Variants in DNAAF9 observed in about 807,000 individuals in gnomAD.
The protein encoded by DNAAF9 is dynein axonemal assembly factor 9.
DNAAF9 carries 90 observed loss-of-function variants against 167.0 expected under a neutral mutation model. The ratio of observed to expected loss-of-function variants is 0.54; its 90% CI spans 0.45 to 0.64. The LOEUF is 0.64. DNAAF9 is among the 30% of genes least tolerant of loss of function. DNAAF9 has a pLI of 0.00. For synonymous variants in DNAAF9, 491 were observed against 508.8 expected, an observed-to-expected ratio of 0.96 and a Z score of 0.47; for missense variants, 1,315 against 1,442.2, an observed-to-expected ratio of 0.91 and a Z score of 1.43.
intron 1 of DNAAF9, among the ~76,000 whole-genome samples, chr20:3,387,913 A>AAAAAAAAAAAAAAAAC: frequency 6.9e-6 from 1 of 145,212 alleles, no homozygotes; most frequent in African/African-American, 2.6e-5. Flanking sequence ...AAAAAAAAAA[A>AAAAAAAAAAAAAAAAC]AAATTAGCCG....
At chr20:3,340,459 CTTGATAATAAAA>C in intron 10 of DNAAF9, 33 bp downstream of exon 10, 1 of 1,152,778 alleles carries the variant, frequency 8.7e-7, no homozygotes. Flanking sequence ...ACCCCCACAA[CTTGATAATAAAA>C]CTAATCAAGC....
At chr20:3,320,657 TGA>T (rs2069598275) in intron 16 of DNAAF9, among the ~76,000 whole-genome samples, 1 of 152,192 alleles carries the variant, frequency 6.6e-6, no homozygotes, top group Admixed American at 6.5e-5. Flanking sequence ...CACAAAATGT[TGA>T]CAGATGGGGA....
chr20:3,381,342 C>T (rs2123243396), intron 3 of DNAAF9, 37 bp downstream of exon 3: 1 of 1,525,736 alleles, frequency 6.6e-7, no homozygotes, highest in Non-Finnish European at 8.9e-7. Context: ...AAACCTCTTA[C>T]TCTTCTATCA....
In DNAAF9 at chr20:3,322,694, G is replaced by A. The variant is rs2069638686; in HGVS notation, c.1268C>T (p.Ser423Phe). ...ELIPFKAALR[S>F]KMTFHIHAVN... ...AGCATGTATATGAAAAGTCATCTTG[G>A]AGCTGTAGACCAGAAACAAAACAAA... The change falls in exon 15 of 37, where the codon TCC (serine) becomes TTC (phenylalanine). Residue 423 changes from serine to phenylalanine, a missense_variant and splice_region_variant. By Grantham distance (155) the Ser-to-Phe change is radical. Transcript: ENST00000252032. 1 of 1,612,124 alleles carries A rather than the reference G, an allele frequency of 6.2e-7. No individual in the cohort carries two copies.
chr20:3,332,603 G>A (rs886373537), intron 10 of DNAAF9, among the ~76,000 whole-genome samples: 2 of 151,550 alleles, frequency 1.3e-5, no homozygotes, highest in African/African-American at 4.9e-5. Context: ...ACAGGCACAT[G>A]CCATCACACC....
intron 25 of DNAAF9, among the ~76,000 whole-genome samples, chr20:3,291,337 GT>G (rs1221157879): frequency 6.7e-6 from 1 of 148,656 alleles, no homozygotes; most frequent in Admixed American, 6.7e-5. Flanking sequence ...GCCTCTGTAA[GT>G]TTTTTTGTTT....
At chr20:3,296,369 G>GTGGGGACATTTTTCGTT (rs2069078835) in intron 23 of DNAAF9, 1 of 319,818 alleles carries the variant, frequency 3.1e-6, no homozygotes, top group African/African-American at 2.2e-5. Context: ...GCTCCTGGCA[G>GTGGGGACATTTTTCGTT]TGGGGACATT....
intron 25 of DNAAF9, among the ~76,000 whole-genome samples, chr20:3,290,787 CTTTTTTTT>C (rs548143543): frequency 7.4e-6 from 1 of 135,322 alleles, no homozygotes; most frequent in African/African-American, 2.8e-5. Context: ...AGGGCTAAGT[CTTTTTTTT>C]TTTTTTTTTT....
At chr20:3,268,942 C>G (rs1361965720) in intron 30 of DNAAF9, among the ~76,000 whole-genome samples, 1 of 118,440 alleles carries the variant, frequency 8.4e-6, no homozygotes, top group Non-Finnish European at 1.7e-5. Context: ...CTCTGTTGCC[C>G]AGGCTGGCTG....
At chr20:3,349,125 G>A (rs2070255830) in intron 7 of DNAAF9, among the ~76,000 whole-genome samples, 1 of 146,654 alleles carries the variant, frequency 6.8e-6, no homozygotes, top group African/African-American at 2.6e-5. Context: ...AGGCCCAGGT[G>A]GGAGAATCAC....
intron 12 of DNAAF9, among the ~76,000 whole-genome samples, chr20:3,327,440 G>A (rs914416253): frequency 6.6e-6 from 1 of 152,126 alleles, no homozygotes; most frequent in Non-Finnish European, 1.5e-5. Flanking sequence ...GGAAGGAGGT[G>A]CAGGCTCTTC....
At chr20:3,339,032 G>C (rs888547814) in intron 10 of DNAAF9, among the ~76,000 whole-genome samples, 10 of 151,828 alleles carry the variant, frequency 6.6e-5, no homozygotes, top group Non-Finnish European at 1.2e-4. Flanking sequence ...ATTGACCAAT[G>C]TCACGCTTAC....
At chr20:3,348,751 T>C in intron 7 of DNAAF9, 128 bp from the exon 8 acceptor site, 1 of 538,514 alleles carries the variant, frequency 1.9e-6, no homozygotes. Context: ...TACAAGGTAG[T>C]AGCAAACTAC....
intron 11 of DNAAF9, among the ~76,000 whole-genome samples, chr20:3,331,144 G>A (rs1160292573): frequency 6.6e-6 from 1 of 151,986 alleles, no homozygotes; most frequent in Non-Finnish European, 1.5e-5. Flanking sequence ...AGTGGAACCC[G>A]GCCATTCCCA....
At chr20:3,265,576 GAAA>G (rs1228259726) in intron 30 of DNAAF9, among the ~76,000 whole-genome samples, 1 of 33,886 alleles carries the variant, frequency 3.0e-5, no homozygotes, top group Non-Finnish European at 6.3e-5. Context: ...CTCTGTCTCA[GAAA>G]AAAAAAAAAA....
chr20:3,257,505 T>A (rs963945288), intron 33 of DNAAF9, among the ~76,000 whole-genome samples: 1 of 152,040 alleles, frequency 6.6e-6, no homozygotes, highest in Non-Finnish European at 1.5e-5. Context: ...AAGTGAGACA[T>A]TGTCTCAAAA....
intron 17 of DNAAF9, 21 bp from the exon 18 acceptor site, chr20:3,316,814 T>G: frequency 6.3e-7 from 1 of 1,594,582 alleles, no homozygotes; most frequent in Non-Finnish European, 8.6e-7. Context: ...ACCACACACA[T>G]GCCAGTTAAT....
chr20:3,330,818 G>C, intron 11 of DNAAF9, 136 bp from the exon 12 acceptor site: 1 of 560,436 alleles, frequency 1.8e-6, no homozygotes, highest in Non-Finnish European at 3.2e-6. Context: ...TTGAGACACA[G>C]TTTAGCTTTG....
intron 4 of DNAAF9, among the ~76,000 whole-genome samples, chr20:3,375,675 T>G (rs1236490794): frequency 1.3e-5 from 2 of 152,104 alleles, no homozygotes; most frequent in South Asian, 2.1e-4. Context: ...GTCTGACCAA[T>G]GTAACAAAAC....
Sources: gnomAD v4.1 joint callset for allele counts (sites outside exome capture counted in the v4.1 genomes callset) on GRCh38, gnomAD v4.1.1 for gene constraint, MANE v1.5 for transcripts, NCBI Gene and HGNC (gene_info 2026-07-23, HGNC 2026-07-21) for gene names.